Variants in ATP11C observed in about 807,000 individuals in gnomAD.
ATP11C encodes ATPase phospholipid transporting 11C (ATP11C blood group).
In ATP11C, 36 loss-of-function variants were observed where a neutral mutation model predicts 97.4. The ratio of observed to expected loss-of-function variants is 0.37; its 90% CI spans 0.28 to 0.49. The LOEUF (loss-of-function observed/expected upper bound fraction) is 0.49, where lower values mean the gene tolerates loss of function less well. Among genes scored for constraint, ATP11C ranks in the 20% least tolerant of loss-of-function variants. The pLI is 0.98. For missense variants in ATP11C, 730 were observed against 824.6 expected, an observed-to-expected ratio of 0.89 and a Z score of 1.40; for synonymous variants, 275 against 290.9, an observed-to-expected ratio of 0.95 and a Z score of 0.56.
chrX:139,902,800 T>C (rs764175747), intron 1 of ATP11C, among the ~76,000 whole-genome samples: 4 of 111,882 alleles, frequency 3.6e-5, no homozygotes, highest in Non-Finnish European at 5.6e-5. Flanking sequence ...TGCTGCCTGC[T>C]ATCTAGACCA....
chrX:139,850,992 A>G (rs1372090250), intron 1 of ATP11C, among the ~76,000 whole-genome samples: 2 of 111,890 alleles, frequency 1.8e-5, no homozygotes, highest in Non-Finnish European at 3.8e-5. Flanking sequence ...ATGAAAAAGC[A>G]TTCCTGGGGA....
intron 28 of ATP11C, among the ~76,000 whole-genome samples, chrX:139,732,788 A>T (rs1414348434): frequency 5.4e-5 from 6 of 111,344 alleles, no homozygotes; most frequent in Non-Finnish European, 1.1e-4. Flanking sequence ...GTTAATGGGA[A>T]AATTGACTAT....
chrX:139,926,898 G>A (rs942373374), intron 1 of ATP11C, among the ~76,000 whole-genome samples: 29 of 112,043 alleles, frequency 2.6e-4, no homozygotes, highest in Admixed American at 2.5e-3. Flanking sequence ...CCTTGCGTGG[G>A]GTCAGCCTAG....
rs1355450522 is a variant in ATP11C at position 139,932,882 on chromosome X, C to A, written c.-840G>T. ...GGCGGGGTGCGAGGGGGGACTAGTT[C>A]TGAAAGCCCACCCTCCTCATCTGCA... is the stretch of plus-strand genomic sequence containing the variant. On this transcript the variant is annotated 5_prime_UTR_variant, in exon 1 of 30. Coordinates refer to ENST00000682941, the MANE Select transcript of ATP11C (RefSeq NM_001353812.2). 3 of 111,460 alleles carry A rather than the reference C, an allele frequency of 2.7e-5. No homozygotes were observed. Among genetic ancestry groups the A allele is most frequent in the African/African-American group, 9.8e-5 (3 of 30,706 alleles). The allele number at this position is 111,460 out of a possible 1,213,427, so 9.2% of individuals were successfully genotyped here.
At chrX:139,789,248 T>C in intron 13 of ATP11C, 79 bp downstream of exon 13, 1 of 836,967 alleles carries the variant, frequency 1.2e-6, no homozygotes, top group Non-Finnish European at 1.7e-6. Context: ...TGTGTCCACC[T>C]AAAAATTATT....
chrX:139,842,001 T>G (rs1031909321), intron 1 of ATP11C, among the ~76,000 whole-genome samples: 1 of 112,280 alleles, frequency 8.9e-6, no homozygotes, highest in Admixed American at 9.4e-5. Flanking sequence ...TGCATTGCCC[T>G]GCCCAGAATG....
At chrX:139,881,500 C>T (rs1220634465) in intron 1 of ATP11C, among the ~76,000 whole-genome samples, 2 of 110,922 alleles carry the variant, frequency 1.8e-5, no homozygotes, top group East Asian at 5.7e-4. Context: ...GATTTGGGAT[C>T]CCAGCCAGCT....
chrX:139,842,593 A>G (rs1047752831), intron 1 of ATP11C, among the ~76,000 whole-genome samples: 14 of 112,560 alleles, frequency 1.2e-4, no homozygotes, highest in Admixed American at 6.6e-4. Context: ...GGAAGTATAC[A>G]AGTATATTTG....
intron 1 of ATP11C, among the ~76,000 whole-genome samples, chrX:139,865,473 CA>C (rs2084264920): frequency 8.9e-6 from 1 of 111,835 alleles, no homozygotes; most frequent in African/African-American, 3.3e-5. Flanking sequence ...TTAAAGAAGA[CA>C]AAACAGGCCA....
chrX:139,896,653 C>A (rs1251219881), intron 1 of ATP11C, among the ~76,000 whole-genome samples: 1 of 98,015 alleles, frequency 1.0e-5, no homozygotes, highest in Non-Finnish European at 2.0e-5. Context: ...CTCTCTCTCT[C>A]TGCCCAGGCT....
chrX:139,750,180 A>G (rs2081782688), intron 23 of ATP11C, 28 bp from the exon 24 acceptor site: 2 of 1,145,661 alleles, frequency 1.7e-6, no homozygotes, highest in African/African-American at 3.5e-5. Context: ...AGAGGAAAGA[A>G]AGAAATTTCA....
At chrX:139,770,308 C>G (rs1052108339) in intron 19 of ATP11C, among the ~76,000 whole-genome samples, 3 of 112,016 alleles carry the variant, frequency 2.7e-5, no homozygotes, top group African/African-American at 9.7e-5. Context: ...TGAGACATAT[C>G]CACACAGGAA....
At chrX:139,761,392 A>G (rs1390363898) in intron 22 of ATP11C, among the ~76,000 whole-genome samples, 1 of 112,520 alleles carries the variant, frequency 8.9e-6, no homozygotes, top group Admixed American at 9.4e-5. Flanking sequence ...GTTAATTTGT[A>G]CAGACAAAAG....
intron 5 of ATP11C, among the ~76,000 whole-genome samples, chrX:139,808,738 C>T (rs1254312084): frequency 2.7e-5 from 3 of 112,077 alleles, no homozygotes; most frequent in East Asian, 2.8e-4. Context: ...AAATAAGATA[C>T]TATATGAAAA....
At chrX:139,858,426 C>T (rs945543287) in intron 1 of ATP11C, among the ~76,000 whole-genome samples, 1 of 111,680 alleles carries the variant, frequency 9.0e-6, no homozygotes, top group Non-Finnish European at 1.9e-5. Context: ...ATTTGGCTCT[C>T]AGCTCTCTGT....
chrX:139,930,264 T>C (rs1301518748), intron 1 of ATP11C, among the ~76,000 whole-genome samples: 1 of 110,605 alleles, frequency 9.0e-6, no homozygotes, highest in Non-Finnish European at 1.9e-5. Context: ...ACTGCTTAAT[T>C]ACTAGACTCT....
chrX:139,869,533 C>T (rs2084336065), intron 1 of ATP11C, among the ~76,000 whole-genome samples: 3 of 106,801 alleles, frequency 2.8e-5, no homozygotes, highest in South Asian at 4.2e-4. Context: ...GCCTGTAATC[C>T]CAGCACTTTG....
chrX:139,798,480 T>C (rs1265538278), intron 9 of ATP11C, 126 bp from the exon 10 acceptor site: 2 of 514,785 alleles, frequency 3.9e-6, no homozygotes, highest in Non-Finnish European at 6.3e-6. Flanking sequence ...ACCAGTTGTA[T>C]ATCATTTATA....
At chrX:139,730,607 G>GA (rs1459811913) in intron 29 of ATP11C, among the ~76,000 whole-genome samples, 2 of 110,726 alleles carry the variant, frequency 1.8e-5, no homozygotes, top group Non-Finnish European at 3.8e-5. Flanking sequence ...GACAGCTGTT[G>GA]AAAAAAATGG....
Sources: allele counts gnomAD v4.1 joint callset (sites outside exome capture counted in the v4.1 genomes callset), GRCh38; gene constraint gnomAD v4.1.1; transcripts MANE v1.5; gene names NCBI Gene and HGNC (gene_info 2026-07-23, HGNC 2026-07-21).